Variants in DCC observed in about 807,000 individuals in gnomAD.
DCC encodes netrin receptor DCC.
In DCC, 58 loss-of-function variants were observed where a neutral mutation model predicts 172.5. That is an observed-to-expected ratio of 0.34 (90% CI 0.27 to 0.42). The LOEUF (loss-of-function observed/expected upper bound fraction) is 0.42. Among genes scored for constraint, DCC ranks in the 10% least tolerant of loss-of-function variants. The probability of loss-of-function intolerance (pLI) is 1.00; values close to 1 mark genes in which losing one functional copy is unlikely to be tolerated. For missense variants in DCC, 1,740 were observed against 1,791.0 expected, an observed-to-expected ratio of 0.97 and a Z score of 0.51; for synonymous variants, 709 against 644.5, an observed-to-expected ratio of 1.10 and a Z score of -1.52.
rs1316703167 is a variant in DCC, at chr18:53,425,359, T to C, written c.3163+9203T>C. 6.9e-3 allele frequency among the ~76,000 whole-genome samples: 821 copies of C among 118,556 alleles called. 8 individuals are homozygous for C. Among genetic ancestry groups the C allele is most frequent in the South Asian group, 0.012 (42 of 3,404 alleles). 77.8% of individuals were successfully genotyped at this position (118,556 alleles called of 152,430 possible). On this transcript the variant is annotated intron_variant, in intron 21 of 28. Coordinates refer to ENST00000442544, the MANE Select transcript of DCC (RefSeq NM_005215.4). ...ACAATTTTCCCCGTTTCTCCTCTCT[T>C]TTTTTTTTTTTTTTTTTTGAGACAG...
At chr18:52,592,442 A>C (rs1435788488) in intron 1 of DCC, among the ~76,000 whole-genome samples, 1 of 152,228 alleles carries the variant, frequency 6.6e-6, no homozygotes, top group African/African-American at 2.4e-5. Context: ...AGTGTGATAG[A>C]AGTCAAATGC....
chr18:53,100,173 C>G (rs937290844), intron 7 of DCC, among the ~76,000 whole-genome samples: 10 of 151,792 alleles, frequency 6.6e-5, no homozygotes, highest in Non-Finnish European at 1.5e-5. Context: ...GTCTGCAACT[C>G]CTGACCTCAA....
intron 1 of DCC, among the ~76,000 whole-genome samples, chr18:52,651,866 G>C (rs1464055199): frequency 6.6e-6 from 1 of 152,076 alleles, no homozygotes; most frequent in East Asian, 1.9e-4. Flanking sequence ...CTGATAAGAG[G>C]GGAAGAAATT....
chr18:53,126,794 G>A (rs1216680345), intron 7 of DCC, among the ~76,000 whole-genome samples: 1 of 152,096 alleles, frequency 6.6e-6, no homozygotes, highest in Non-Finnish European at 1.5e-5. Flanking sequence ...GGTGACATTT[G>A]AGTTGACAGA....
intron 1 of DCC, among the ~76,000 whole-genome samples, chr18:52,639,687 A>G (rs987013931): frequency 3.9e-5 from 6 of 152,124 alleles, no homozygotes; most frequent in Non-Finnish European, 7.4e-5. Flanking sequence ...GACTGAACAG[A>G]TCAATAACGA....
intron 2 of DCC, among the ~76,000 whole-genome samples, chr18:52,783,321 C>CTGT (rs1568100450): frequency 1.8e-4 from 11 of 62,146 alleles, no homozygotes; most frequent in African/African-American, 6.9e-4. Context: ...TATACTACTA[C>CTGT]TCTTTTTTTT....
At chr18:53,258,210 C>T (rs1048533215) in intron 12 of DCC, among the ~76,000 whole-genome samples, 2 of 152,040 alleles carry the variant, frequency 1.3e-5, no homozygotes. Context: ...TCTCTATTTC[C>T]TTCAGTTCTG....
chr18:53,114,610 A>G (rs2043383927), intron 7 of DCC, among the ~76,000 whole-genome samples: 3 of 151,562 alleles, frequency 2.0e-5, no homozygotes, highest in Non-Finnish European at 3.0e-5. Context: ...TACCAAGCCC[A>G]TGAGCCCACA....
intron 9 of DCC, among the ~76,000 whole-genome samples, chr18:53,186,340 G>A (rs756354034): frequency 5.3e-5 from 8 of 152,248 alleles, no homozygotes; most frequent in Non-Finnish European, 7.4e-5. Context: ...GGGTTTAATC[G>A]CCTAGTTTGG....
chr18:53,181,355 T>C (rs540958112), intron 9 of DCC, among the ~76,000 whole-genome samples: 3 of 152,144 alleles, frequency 2.0e-5, no homozygotes, highest in Admixed American at 1.3e-4. Flanking sequence ...ATCAATACTA[T>C]TGTTTCTAAG....
At chr18:53,224,432 A>G (rs898587660) in intron 12 of DCC, among the ~76,000 whole-genome samples, 1 of 152,158 alleles carries the variant, frequency 6.6e-6, no homozygotes, top group African/African-American at 2.4e-5. Context: ...AAAAGTTGGG[A>G]TTTCATTCTA....
intron 7 of DCC, among the ~76,000 whole-genome samples, chr18:53,132,650 G>C (rs993915835): frequency 6.6e-6 from 1 of 152,116 alleles, no homozygotes; most frequent in African/African-American, 2.4e-5. Flanking sequence ...GCAGGCATGC[G>C]GCAGTGATGT....
intron 22 of DCC, among the ~76,000 whole-genome samples, chr18:53,448,400 T>C (rs1912763454): frequency 6.6e-6 from 1 of 152,116 alleles, no homozygotes; most frequent in African/African-American, 2.4e-5. Context: ...AAGGACCTTA[T>C]AAAACCATCA....
intron 5 of DCC, among the ~76,000 whole-genome samples, chr18:52,933,299 A>T (rs1290858030): frequency 1.3e-5 from 2 of 152,042 alleles, no homozygotes; most frequent in East Asian, 3.9e-4. Flanking sequence ...AAGGATAGGT[A>T]GGGAAAAAGA....
intron 2 of DCC, among the ~76,000 whole-genome samples, chr18:52,879,412 C>CCTTTTTTTTTTTTTTTTTTTTTTTTTT (rs2039447955): frequency 1.3e-4 from 8 of 62,356 alleles, no homozygotes; most frequent in African/African-American, 5.5e-4. Context: ...TGTTGTTTGG[C>CCTTTTTTTTTTTTTTTTTTTTTTTTTT]TTTTTTTTTT....
chr18:52,779,659 G>T (rs62081957), intron 2 of DCC, among the ~76,000 whole-genome samples: 5 of 152,076 alleles, frequency 3.3e-5, no homozygotes, highest in Non-Finnish European at 5.9e-5. Context: ...AATCCTTTGG[G>T]TATATATCCA....
chr18:53,307,907 A>G (rs1287381537), intron 13 of DCC, among the ~76,000 whole-genome samples: 29 of 18,342 alleles, frequency 1.6e-3, no homozygotes, highest in South Asian at 4.5e-3. Context: ...GTATATATAT[A>G]TATATATATA....
At chr18:52,813,164 C>T (rs1425795619) in intron 2 of DCC, among the ~76,000 whole-genome samples, 5 of 151,366 alleles carry the variant, frequency 3.3e-5, no homozygotes, top group Admixed American at 1.3e-4. Flanking sequence ...TAAAATATCA[C>T]AATTCCAGGA....
chr18:53,393,922 C>CTCTCCCTCTCTCTCTCTCTCTCTCTCT (rs72364865), intron 17 of DCC, among the ~76,000 whole-genome samples: 1 of 130,864 alleles, frequency 7.6e-6, no homozygotes, highest in Non-Finnish European at 1.6e-5. Flanking sequence ...TCCCTCTCTC[C>CTCTCCCTCTCTCTCTCTCTCTCTCTCT]CTCCCTCCCT....
Sources: gnomAD v4.1 joint callset for allele counts (sites outside exome capture counted in the v4.1 genomes callset) on GRCh38, gnomAD v4.1.1 for gene constraint, MANE v1.5 for transcripts, NCBI Gene and HGNC (gene_info 2026-07-23, HGNC 2026-07-21) for gene names.